The following ZDHHC3 variants were observed in gnomAD, a reference collection of about 807,000 sequenced individuals.
ZDHHC3 encodes the protein zDHHC palmitoyltransferase 3, also known as palmitoyltransferase ZDHHC3.
A neutral mutation model predicts 30.6 loss-of-function variants in ZDHHC3; 9 were observed. The ratio of observed to expected loss-of-function variants is 0.29; its 90% confidence interval spans 0.18 to 0.51. The LOEUF (loss-of-function observed/expected upper bound fraction) is 0.51. Ranked by LOEUF, ZDHHC3 falls within the 20% of genes least tolerant of loss-of-function variation. The pLI is 0.97. For missense variants in ZDHHC3, 246 were observed against 384.2 expected, an observed-to-expected ratio of 0.64 and a Z score of 3.01; for synonymous variants, 136 against 140.2, an observed-to-expected ratio of 0.97 and a Z score of 0.21.
At chr3:44,941,730 C>T (rs1420635414) in intron 3 of ZDHHC3, among the ~76,000 whole-genome samples, 1 of 147,428 alleles carries the variant, frequency 6.8e-6, no homozygotes, top group Non-Finnish European at 1.5e-5. Context: ...ACACAAAATA[C>T]ACTAACACTA....
intron 3 of ZDHHC3, among the ~76,000 whole-genome samples, chr3:44,941,078 A>G (rs1249955728): frequency 6.6e-6 from 1 of 152,186 alleles, no homozygotes; most frequent in East Asian, 1.9e-4. Context: ...AGCAAGGGTC[A>G]GCTGAATGAA....
intron 3 of ZDHHC3, among the ~76,000 whole-genome samples, chr3:44,940,848 G>A (rs371315706): frequency 2.4e-4 from 36 of 152,314 alleles, no homozygotes; most frequent in African/African-American, 8.2e-4. Flanking sequence ...AAAGGAGCTG[G>A]CCGAGGCTCT....
intron 1 of ZDHHC3, chr3:44,975,532 G>A (rs1158833615): frequency 6.6e-6 from 1 of 152,302 alleles, no homozygotes; most frequent in African/African-American, 2.4e-5. Context: ...TTCGGTCACA[G>A]AGAGTGAGCG....
Position 44,952,493 on chromosome 3 carries a change from C to T in ZDHHC3, c.306+6638G>A, listed in dbSNP as rs143676119. 3.9e-5 allele frequency among the ~76,000 whole-genome samples: 6 copies of T among 152,288 alleles called. No individual in the cohort carries two copies. In the East Asian group the frequency reaches 1.2e-3, roughly 29 times the overall value. On this transcript the variant is annotated intron_variant, in intron 2 of 6. Transcript: ENST00000424952. ...AATGGAAATCTGATCACATTATTCCCCTGGCCTAAAACCTTCACTGGCTCC... is the reference window on the plus strand; with the variant it reads ...AATGGAAATCTGATCACATTATTCCTCTGGCCTAAAACCTTCACTGGCTCC...
intron 2 of ZDHHC3, among the ~76,000 whole-genome samples, chr3:44,948,705 G>A (rs1296746645): frequency 6.6e-6 from 1 of 152,242 alleles, no homozygotes. Context: ...AAGCAGGAGA[G>A]GAGCACCTGG....
At position 44,922,548 on chromosome 3, in the gene ZDHHC3, C is replaced by T. The variant is rs1365761822; in HGVS notation, c.*4141G>A. ...CAGTGGCTTCTCCGCGGAGGGAACA[C>T]GTGCCTGTCTCACAATCAGCACACC... On this transcript the variant is annotated 3_prime_UTR_variant, in exon 7 of 7. Coordinates refer to ENST00000424952, the MANE Select transcript of ZDHHC3 (RefSeq NM_001135179.2). 2.7e-5 allele frequency: 27 copies of T among 985,424 alleles called. No individual in the cohort carries two copies. Among genetic ancestry groups the T allele is most frequent in the South Asian group, 4.7e-5 (1 of 21,282 alleles). 61.0% of individuals were successfully genotyped at this position (985,424 alleles called of 1,614,324 possible). A position where few individuals can be genotyped will look rare whatever the true frequency, so the allele number is the denominator to read the frequency against.
In ZDHHC3 at chr3:44,923,285, C is replaced by T. The variant is rs1469635619; in HGVS notation, c.*3404G>A. 2.1e-6 allele frequency: 2 copies of T among 939,412 alleles called. No homozygotes were observed. The highest frequency in any genetic ancestry group is 2.5e-6 in the Non-Finnish European group (2 of 788,338). 58.2% of individuals were successfully genotyped at this position (939,412 alleles called of 1,614,324 possible). A position where few individuals can be genotyped will look rare whatever the true frequency, so the allele number is the denominator to read the frequency against. On this transcript the variant is annotated 3_prime_UTR_variant, in exon 7 of 7. Transcript: ENST00000424952. ...TAGAGACAGGGTTTCACCGTGTTAG[C>T]CAGGATGATCTCGATCTCTTGACCT...
chr3:44,941,119 G>C (rs928442024), intron 3 of ZDHHC3, among the ~76,000 whole-genome samples: 3 of 152,108 alleles, frequency 2.0e-5, no homozygotes, highest in African/African-American at 7.2e-5. Flanking sequence ...GAAAGAGCAG[G>C]CCTGGAAAAT....
chr3:44,938,319 T>C (rs1020789463), intron 3 of ZDHHC3: 24 of 183,858 alleles, frequency 1.3e-4, no homozygotes, highest in Admixed American at 4.1e-4. Context: ...ATTGTCAACA[T>C]TGCTCTACAG....
At chr3:44,960,373 G>A (rs1428137369) in intron 1 of ZDHHC3, among the ~76,000 whole-genome samples, 1 of 152,150 alleles carries the variant, frequency 6.6e-6, no homozygotes, top group African/African-American at 2.4e-5. Flanking sequence ...ATAACACTCT[G>A]TACACCTCAC....
At chr3:44,940,974 C>G (rs1007672269) in intron 3 of ZDHHC3, among the ~76,000 whole-genome samples, 1 of 152,194 alleles carries the variant, frequency 6.6e-6, no homozygotes, top group Non-Finnish European at 1.5e-5. Context: ...TGTGCCTGCC[C>G]TGCTTGGGTG....
chr3:44,967,985 T>C (rs1034237861), intron 1 of ZDHHC3, among the ~76,000 whole-genome samples: 1 of 152,236 alleles, frequency 6.6e-6, no homozygotes, highest in African/African-American at 2.4e-5. Flanking sequence ...GCAGCTTTTA[T>C]TCGCCATTGC....
rs1220959506 is a variant in ZDHHC3 at position 44,916,967 on chromosome 3, A to C, written c.*9722T>G. On this transcript the variant is annotated 3_prime_UTR_variant, in exon 7 of 7. Transcript: ENST00000424952. ...AACTGGCCTTTTCAAACACACAGGC[A>C]GGGTTTATGGTCAGTTCTACCTACA... 6.6e-6 allele frequency: 1 copy of C among 152,226 alleles called. No homozygotes were observed. The highest frequency in any genetic ancestry group is 1.5e-5 in the Non-Finnish European group (1 of 68,028). The allele number at this position is 152,226 out of a possible 1,614,324, so 9.4% of individuals were successfully genotyped here. A position where few individuals can be genotyped will look rare whatever the true frequency, so the allele number is the denominator to read the frequency against.
chr3:44,943,804 G>C (rs147878995), intron 3 of ZDHHC3, among the ~76,000 whole-genome samples: 10 of 152,076 alleles, frequency 6.6e-5, no homozygotes, highest in Admixed American at 2.0e-4. Flanking sequence ...CCAGGAGTTC[G>C]AGACCAGCCT....
intron 2 of ZDHHC3, among the ~76,000 whole-genome samples, chr3:44,955,457 T>TTATA (rs150337679): frequency 0.047 from 6,777 of 143,874 alleles, 199 homozygotes; most frequent in African/African-American, 0.064. Flanking sequence ...CACAAGGTTT[T>TTATA]TATATATATA....
At chr3:44,934,062 G>A in intron 3 of ZDHHC3, 78 bp from the exon 4 acceptor site, 2 of 1,355,948 alleles carry the variant, frequency 1.5e-6, no homozygotes. Context: ...AGAACCCATG[G>A]CTCCTGCTCC....
At chr3:44,945,747 T>C (rs1475276614) in intron 2 of ZDHHC3, among the ~76,000 whole-genome samples, 1 of 151,962 alleles carries the variant, frequency 6.6e-6, no homozygotes, top group East Asian at 1.9e-4. Flanking sequence ...TTAGTAGAGA[T>C]GGGGTTTCAC....
intron 3 of ZDHHC3, chr3:44,938,018 C>A: frequency 2.6e-6 from 1 of 385,980 alleles, no homozygotes; most frequent in South Asian, 2.0e-5. Flanking sequence ...GAGTCTCGCT[C>A]TGTTGCCCAG....
At position 44,919,191 on chromosome 3, in the gene ZDHHC3, G is replaced by A. The variant is rs1433991481; in HGVS notation, c.*7498C>T. 8 of 784,392 alleles carry A rather than the reference G, an allele frequency of 1.0e-5. No homozygotes were observed. The highest frequency in any genetic ancestry group is 1.2e-5 in the Non-Finnish European group (8 of 648,512). 48.6% of individuals were successfully genotyped at this position (784,392 alleles called of 1,614,324 possible). ...GGAAAAACAGTACCTTAATAGCAGG[G>A]AAGAAACATTGCACGTACCACCTTC... On this transcript the variant is annotated 3_prime_UTR_variant, in exon 7 of 7. Coordinates refer to ENST00000424952, the MANE Select transcript of ZDHHC3 (RefSeq NM_001135179.2).
Sources: allele counts gnomAD v4.1 joint callset (sites outside exome capture counted in the v4.1 genomes callset), GRCh38; gene constraint gnomAD v4.1.1; transcripts MANE v1.5; gene names NCBI Gene and HGNC (gene_info 2026-07-23, HGNC 2026-07-21).